NRXN1: variants seen among roughly 807,000 people sequenced by gnomAD.
NRXN1 encodes the protein neurexin 1.
A neutral mutation model predicts 150.9 loss-of-function variants in NRXN1; 39 were observed. The observed-to-expected ratio is 0.26, with a 90% CI of 0.20 to 0.34. NRXN1 has a LOEUF of 0.34. Ranked by LOEUF, NRXN1 falls within the 10% of genes least tolerant of loss-of-function variation. NRXN1 has a pLI of 1.00. For missense variants in NRXN1, 1,815 were observed against 1,949.9 expected (o/e 0.93, Z 1.30); for synonymous variants, 924 against 757.0 (o/e 1.22, Z -3.62).
rs1235089293 is a variant in NRXN1, at chr2:50,801,451, AT to A, written c.832+120417del. Among the ~76,000 whole-genome samples, 4 of 152,322 alleles carry A rather than the reference AT, an allele frequency of 2.6e-5. No homozygotes were observed. The South Asian group carries it at 6.2e-4, about 24-fold the overall frequency. ...CTGTGAATATCTCTTAGAGAAAAAA[AT>A]ATCATAGTTACATAATGATGCAGGA... On this transcript the variant is annotated intron_variant, in intron 5 of 22. Coordinates refer to ENST00000401669, the MANE Select transcript of NRXN1 (RefSeq NM_001330078.2).
At chr2:50,003,593 A>C (rs1465609195) in intron 21 of NRXN1, among the ~76,000 whole-genome samples, 1 of 152,170 alleles carries the variant, frequency 6.6e-6, no homozygotes, top group African/African-American at 2.4e-5. Flanking sequence ...AATGTTCAGT[A>C]TAAATGGGCA....
At chr2:50,519,238 C>A (rs970144708) in intron 12 of NRXN1, among the ~76,000 whole-genome samples, 1 of 151,754 alleles carries the variant, frequency 6.6e-6, no homozygotes, top group Non-Finnish European at 1.5e-5. Context: ...TTAGCTAAAC[C>A]CTTCTTTATT....
chr2:50,410,367 T>G (rs763207101), intron 17 of NRXN1, among the ~76,000 whole-genome samples: 1 of 152,260 alleles, frequency 6.6e-6, no homozygotes, highest in Non-Finnish European at 1.5e-5. Flanking sequence ...CATGTGATAC[T>G]TAACATATCC....
intron 21 of NRXN1, among the ~76,000 whole-genome samples, chr2:49,968,154 AAATT>A (rs1677283667): frequency 6.6e-6 from 1 of 152,020 alleles, no homozygotes; most frequent in Non-Finnish European, 1.5e-5. Context: ...AAAAAAAAGA[AAATT>A]AAGAGCTGGC....
chr2:50,790,316 T>G (rs901627513), intron 5 of NRXN1, among the ~76,000 whole-genome samples: 9 of 152,178 alleles, frequency 5.9e-5, no homozygotes, highest in African/African-American at 2.2e-4. Flanking sequence ...AGAAACTGCT[T>G]TAATAACTCA....
intron 5 of NRXN1, among the ~76,000 whole-genome samples, chr2:50,783,568 C>G (rs924079769): frequency 6.6e-6 from 1 of 152,104 alleles, no homozygotes; most frequent in Non-Finnish European, 1.5e-5. Context: ...AGTCATAAAT[C>G]TATGGAAAAG....
At chr2:50,978,211 A>T (rs1050340934) in intron 2 of NRXN1, among the ~76,000 whole-genome samples, 1 of 145,870 alleles carries the variant, frequency 6.9e-6, no homozygotes, top group Non-Finnish European at 1.5e-5. Context: ...GGAAAATGCC[A>T]TTAAAACTTA....
chr2:50,642,152 C>G lies in NRXN1; in HGVS notation c.833-18537G>C, dbSNP rs182463593. Among the ~76,000 whole-genome samples, 4 of 152,084 alleles carry G rather than the reference C, an allele frequency of 2.6e-5. No individual in the cohort carries two copies. The East Asian group carries it at 7.8e-4, about 30-fold the overall frequency. On this transcript the variant is annotated intron_variant, in intron 5 of 22. Transcript: ENST00000401669. Reference sequence around the variant, plus strand: ...CTGAAAAATTAATCAATTCACTAATCAAAGAAACATATATTAAAGACCTAC... The same window carrying G: ...CTGAAAAATTAATCAATTCACTAATGAAAGAAACATATATTAAAGACCTAC...
At chr2:50,469,754 A>C (rs145302861) in intron 16 of NRXN1, among the ~76,000 whole-genome samples, 6 of 151,148 alleles carry the variant, frequency 4.0e-5, no homozygotes, top group African/African-American at 1.2e-4. Flanking sequence ...TCTAAGAGTA[A>C]AGAAAAAAAG....
At chr2:50,828,438 G>T in intron 5 of NRXN1, among the ~76,000 whole-genome samples, 1 of 151,730 alleles carries the variant, frequency 6.6e-6, no homozygotes, top group South Asian at 2.1e-4. Flanking sequence ...CAGACGGGGC[G>T]GCTGCCGGGC....
At chr2:50,052,335 C>T (rs186382200) in intron 21 of NRXN1, among the ~76,000 whole-genome samples, 11 of 152,072 alleles carry the variant, frequency 7.2e-5, no homozygotes, top group East Asian at 1.9e-4. Flanking sequence ...CAGAACAAAA[C>T]GAAACAATTA....
In NRXN1 at chr2:50,869,385, T is replaced by C. The variant is rs1470589040; in HGVS notation, c.832+52484A>G. 2.0e-5 allele frequency among the ~76,000 whole-genome samples: 3 copies of C among 151,650 alleles called. No homozygotes were observed. In the South Asian group the frequency reaches 6.2e-4, roughly 32 times the overall value. ...GCTGCTACTACTGTAATTCTCAAAA[T>C]TTTTCCTTAGAAACAATTTGGAAGA... On this transcript the variant is annotated intron_variant, in intron 5 of 22. Coordinates refer to ENST00000401669, the MANE Select transcript of NRXN1 (RefSeq NM_001330078.2).
At chr2:50,200,513 T>G (rs889972133) in intron 18 of NRXN1, among the ~76,000 whole-genome samples, 1 of 152,142 alleles carries the variant, frequency 6.6e-6, no homozygotes, top group Non-Finnish European at 1.5e-5. Context: ...TTGGCAAGAA[T>G]TATGACAAGG....
At chr2:50,881,035 C>T (rs1419891851) in intron 5 of NRXN1, among the ~76,000 whole-genome samples, 1 of 151,910 alleles carries the variant, frequency 6.6e-6, no homozygotes, top group Non-Finnish European at 1.5e-5. Context: ...TATTAAGTAG[C>T]ATCACATTAT....
At position 50,503,397 on chromosome 2, in the gene NRXN1, G is replaced by C. The variant is rs138964571; in HGVS notation, c.2497+3098C>G. On this transcript the variant is annotated intron_variant, in intron 13 of 22. Coordinates refer to ENST00000401669, the MANE Select transcript of NRXN1 (RefSeq NM_001330078.2). ...GAAGGCATGTCATGAGATCATAGAG[G>C]CCAAGTTAATGAAACTCACACTGGC... Among the ~76,000 whole-genome samples the C allele has an allele frequency of 6.7e-3, 1,011 of 151,776 alleles. 5 individuals are homozygous for C. Among genetic ancestry groups the C allele is most frequent in the African/African-American group, 0.024 (979 of 41,420 alleles).
At chr2:50,208,183 T>C (rs2062752209) in intron 18 of NRXN1, among the ~76,000 whole-genome samples, 1 of 152,074 alleles carries the variant, frequency 6.6e-6, no homozygotes, top group Admixed American at 6.6e-5. Flanking sequence ...CAACCACTTT[T>C]GCACCTTCTC....
chr2:50,044,246 C>T (rs2152599295), intron 21 of NRXN1, among the ~76,000 whole-genome samples: 1 of 152,188 alleles, frequency 6.6e-6, no homozygotes, highest in African/African-American at 2.4e-5. Flanking sequence ...TAATTTATTC[C>T]ATGTAAAGAT....
chr2:50,258,415 A>T (rs997319226), intron 17 of NRXN1, among the ~76,000 whole-genome samples: 2 of 152,038 alleles, frequency 1.3e-5, no homozygotes, highest in African/African-American at 4.8e-5. Context: ...ATAAGAAGCA[A>T]CTTCTCATTT....
chr2:50,172,161 C>G (rs753666697), intron 18 of NRXN1, among the ~76,000 whole-genome samples: 41 of 152,238 alleles, frequency 2.7e-4, no homozygotes, highest in South Asian at 2.3e-3. Flanking sequence ...TGAAATATTG[C>G]AAACTAATTA....
Sources: allele counts gnomAD v4.1 joint callset (sites outside exome capture counted in the v4.1 genomes callset), GRCh38; gene constraint gnomAD v4.1.1; transcripts MANE v1.5; gene names NCBI Gene and HGNC (gene_info 2026-07-23, HGNC 2026-07-21).